The following MTIF2 variants were observed in gnomAD, a reference collection of about 807,000 sequenced individuals.
MTIF2 encodes translation initiation factor IF-2, mitochondrial.
Under a neutral mutation model 83.5 loss-of-function variants are expected in MTIF2, and 71 were observed. The observed-to-expected ratio is 0.85, with a 90% confidence interval of 0.70 to 1.04. The LOEUF (loss-of-function observed/expected upper bound fraction) is 1.04. Ranked by LOEUF, MTIF2 falls within the 50% of genes least tolerant of loss-of-function variation. The pLI is 0.00. For missense variants in MTIF2, 957 were observed against 846.5 expected, an observed-to-expected ratio of 1.13 and a Z score of -1.62; for synonymous variants, 319 against 287.1, an observed-to-expected ratio of 1.11 and a Z score of -1.12.
Position 55,259,535 on chromosome 2 carries a change from G to C in MTIF2, c.331+2781C>G, listed in dbSNP as rs1223205879. 2.0e-5 allele frequency among the ~76,000 whole-genome samples: 3 copies of C among 150,746 alleles called. No individual in the cohort carries two copies. In the East Asian group the frequency reaches 5.8e-4, roughly 29 times the overall value. On this transcript the variant is annotated intron_variant, in intron 5 of 15. Transcript: ENST00000263629. ...AAAAAAAAGGAGTCCTCATCTTTTA[G>C]AGATACATACTGAAGTATTTATGGA...
At position 55,249,662 on chromosome 2, in the gene MTIF2, G is replaced by C. The variant is rs111906574; in HGVS notation, c.842-128C>G. 1.3e-4 allele frequency: 144 copies of C among 1,116,606 alleles called. No individual in the cohort carries two copies. The African/African-American group carries it at 2.0e-3, about 15-fold the overall frequency. 69.2% of individuals were successfully genotyped at this position (1,116,606 alleles called of 1,614,324 possible). A position where few individuals can be genotyped will look rare whatever the true frequency, so the allele number is the denominator to read the frequency against. On this transcript the variant is annotated intron_variant, in intron 8 of 15. Transcript: ENST00000263629. ...AGTGGATGTTTTTATCTAACAAAAG[G>C]CCAAAATGACCCACTTTAGAGTCAC...
chr2:55,252,451 G>A, intron 8 of MTIF2, 26 bp downstream of exon 8: 1 of 1,600,772 alleles, frequency 6.2e-7, no homozygotes, highest in Non-Finnish European at 8.5e-7. Context: ...TTATGTAGTA[G>A]ATCCATTAAG....
At chr2:55,239,566 A>G (rs929961649) in intron 14 of MTIF2, among the ~76,000 whole-genome samples, 1 of 152,202 alleles carries the variant, frequency 6.6e-6, no homozygotes, top group Non-Finnish European at 1.5e-5. Flanking sequence ...AATTTTAAAT[A>G]TACTCAGTCT....
intron 7 of MTIF2, among the ~76,000 whole-genome samples, chr2:55,253,631 A>G (rs887074097): frequency 1.3e-5 from 2 of 151,910 alleles, no homozygotes; most frequent in African/African-American, 4.8e-5. Flanking sequence ...CCTGGCCAAC[A>G]TGGGGAAACC....
intron 14 of MTIF2, among the ~76,000 whole-genome samples, 189 bp downstream of exon 14, chr2:55,239,822 G>T (rs947361278): frequency 6.6e-6 from 1 of 152,146 alleles, no homozygotes; most frequent in Non-Finnish European, 1.5e-5. Flanking sequence ...CAAGGCACAG[G>T]CACAATGTGT....
chr2:55,248,565 G>A (rs1383360443), intron 9 of MTIF2, among the ~76,000 whole-genome samples: 2 of 152,124 alleles, frequency 1.3e-5, no homozygotes, highest in African/African-American at 4.8e-5. Context: ...ACTTATAAGA[G>A]GCAAGCACTG....
intron 3 of MTIF2, among the ~76,000 whole-genome samples, chr2:55,266,998 G>T (rs1376197421): frequency 6.6e-6 from 1 of 152,020 alleles, no homozygotes; most frequent in Admixed American, 6.6e-5. Flanking sequence ...TCAAACTCCT[G>T]ACCTCAGGTG....
chr2:55,264,018 C>T (rs891002675), intron 3 of MTIF2, 153 bp from the exon 4 acceptor site: 4 of 620,958 alleles, frequency 6.4e-6, no homozygotes, highest in South Asian at 4.0e-5. Flanking sequence ...AAATCTCAGT[C>T]TCATCAAGAG....
chr2:55,249,355 T>A, intron 9 of MTIF2, 40 bp downstream of exon 9: 1 of 1,608,290 alleles, frequency 6.2e-7, no homozygotes, highest in Non-Finnish European at 8.5e-7. Context: ...ATGTACAGCA[T>A]TCCCATCCAG....
intron 4 of MTIF2, 109 bp from the exon 5 acceptor site, chr2:55,262,536 TTTTTC>T (rs1678093175): frequency 1.3e-5 from 6 of 476,212 alleles, no homozygotes; most frequent in Non-Finnish European, 1.8e-5. Context: ...TCTTTCTTTT[TTTTTC>T]TTTTTTTTTT....
rs1415697264 is a variant in MTIF2 at position 55,269,166 on chromosome 2, T to C, written c.-237+3A>G. 6.6e-6 allele frequency: 1 copy of C among 152,320 alleles called. No homozygotes were observed. The highest frequency in any genetic ancestry group is 2.4e-5 in the African/African-American group (1 of 41,474). 9.4% of individuals were successfully genotyped at this position (152,320 alleles called of 1,614,324 possible). ...TAAGGGATCCTACCCACTTAACTCC[T>C]ACCTACAGCCCCGGGCCCCTGGATT... On this transcript the variant is annotated splice_donor_region_variant and intron_variant, in intron 1 of 15. Coordinates refer to ENST00000263629, the MANE Select transcript of MTIF2 (RefSeq NM_002453.3).
In MTIF2 at chr2:55,249,380, G is replaced by C; in HGVS notation, c.981+15C>G. ...TTCCCATCCAGGCATATTTATATGA[G>C]GTCCCCGCATTTACCGTAAGTGCGG... On this transcript the variant is annotated intron_variant, in intron 9 of 15. Coordinates refer to ENST00000263629, the MANE Select transcript of MTIF2 (RefSeq NM_002453.3). 2 of 1,612,548 alleles carry C rather than the reference G, an allele frequency of 1.2e-6. No individual in the cohort carries two copies. The highest frequency in any genetic ancestry group is 1.7e-6 in the Non-Finnish European group (2 of 1,179,222).
chr2:55,237,212 A>G (rs1008280831), intron 15 of MTIF2, 76 bp downstream of exon 15: 88 of 1,450,850 alleles, frequency 6.1e-5, no homozygotes, highest in Middle Eastern at 2.5e-4. Context: ...AAAGATGAAC[A>G]GATTTCAGAT....
chr2:55,237,086 A>G (rs1324037842), intron 15 of MTIF2, among the ~76,000 whole-genome samples: 3 of 152,216 alleles, frequency 2.0e-5, no homozygotes. Flanking sequence ...GATGGTACTC[A>G]GGACTTGAAT....
At chr2:55,246,031 T>C (rs1292312939) in intron 10 of MTIF2, among the ~76,000 whole-genome samples, 1 of 152,176 alleles carries the variant, frequency 6.6e-6, no homozygotes, top group African/African-American at 2.4e-5. Flanking sequence ...CTAATTTATG[T>C]TATCTATAAG....
chr2:55,243,243 T>C (rs1368584647), intron 12 of MTIF2, among the ~76,000 whole-genome samples, 163 bp from the exon 13 acceptor site: 2 of 152,198 alleles, frequency 1.3e-5, no homozygotes, highest in African/African-American at 2.4e-5. Context: ...CTTAATAGCA[T>C]ATAATGAGCC....
At chr2:55,246,761 C>CT (rs1676730860) in intron 9 of MTIF2, among the ~76,000 whole-genome samples, 1 of 152,154 alleles carries the variant, frequency 6.6e-6, no homozygotes, top group South Asian at 2.1e-4. Context: ...GGGCTTGTTA[C>CT]TATCCCTTTC....
rs909651380 is a variant in MTIF2 at position 55,267,566 on chromosome 2, C to T, written c.-8+3G>A. The T allele has an allele frequency of 9.6e-5, 16 of 166,644 alleles. No homozygotes were observed. The highest frequency in any genetic ancestry group is 3.6e-4 in the African/African-American group (15 of 41,462). The allele number at this position is 166,644 out of a possible 1,614,324, so 10.3% of individuals were successfully genotyped here. A position where few individuals can be genotyped will look rare whatever the true frequency, so the allele number is the denominator to read the frequency against. On this transcript the variant is annotated splice_donor_region_variant and intron_variant, in intron 3 of 15. Coordinates refer to ENST00000263629, the MANE Select transcript of MTIF2 (RefSeq NM_002453.3). Reference sequence around the variant, plus strand: ...AACAAAGGAACCTTAGGTGGACACTCACTCTGACAGTCAGTGTTATCTGGA... The same window carrying T: ...AACAAAGGAACCTTAGGTGGACACTTACTCTGACAGTCAGTGTTATCTGGA...
intron 14 of MTIF2, among the ~76,000 whole-genome samples, chr2:55,239,142 GA>G (rs371133541): frequency 2.4e-4 from 37 of 152,244 alleles, no homozygotes; most frequent in African/African-American, 7.9e-4. Flanking sequence ...CTGGACTGGG[GA>G]AAAAAAGTAT....
Sources: gnomAD v4.1 joint callset for allele counts (sites outside exome capture counted in the v4.1 genomes callset) on GRCh38, gnomAD v4.1.1 for gene constraint, MANE v1.5 for transcripts, NCBI Gene and HGNC (gene_info 2026-07-23, HGNC 2026-07-21) for gene names.